STXBP6: variants seen among roughly 807,000 people sequenced by gnomAD.
STXBP6 encodes syntaxin-binding protein 6.
STXBP6 carries 21 observed loss-of-function variants against 26.9 expected under a neutral mutation model. The observed-to-expected ratio is 0.78, with a 90% CI of 0.55 to 1.12. The LOEUF (loss-of-function observed/expected upper bound fraction) is 1.12, where lower values mean the gene tolerates loss of function less well. STXBP6 is among the 50% of genes most tolerant of loss of function. The probability of loss-of-function intolerance (pLI) is 0.00; values close to 1 mark genes in which losing one functional copy is unlikely to be tolerated. For synonymous variants in STXBP6, 97 were observed against 92.6 expected (o/e 1.05, Z -0.27); for missense variants, 232 against 257.9 (o/e 0.90, Z 0.69).
chr14:24,893,058 G>A (rs1452151103), intron 2 of STXBP6, among the ~76,000 whole-genome samples: 2 of 152,132 alleles, frequency 1.3e-5, no homozygotes, highest in Admixed American at 1.3e-4. Flanking sequence ...CTGCAGGTAT[G>A]GTGCACACAA....
intron 2 of STXBP6, among the ~76,000 whole-genome samples, chr14:24,924,938 C>A (rs1200341733): frequency 6.6e-6 from 1 of 152,170 alleles, no homozygotes; most frequent in African/African-American, 2.4e-5. Flanking sequence ...AATGTCATAG[C>A]TGAAAATCAG....
At chr14:24,910,487 T>C (rs746504357) in intron 2 of STXBP6, among the ~76,000 whole-genome samples, 19 of 152,160 alleles carry the variant, frequency 1.2e-4, no homozygotes, top group African/African-American at 4.3e-4. Context: ...ACACACCACT[T>C]ACATGAATAA....
chr14:24,991,138 A>G (rs948536266), intron 1 of STXBP6, among the ~76,000 whole-genome samples: 2 of 148,312 alleles, frequency 1.3e-5, no homozygotes, highest in African/African-American at 5.1e-5. Flanking sequence ...TGAGAGAAGG[A>G]GGAGGAAGAG....
At chr14:24,924,586 G>T (rs1057413238) in intron 2 of STXBP6, among the ~76,000 whole-genome samples, 2 of 152,130 alleles carry the variant, frequency 1.3e-5, no homozygotes, top group Non-Finnish European at 1.5e-5. Flanking sequence ...TTAAGAATAA[G>T]AATCGTTTGG....
chr14:24,994,531 A>C (rs945254528), intron 1 of STXBP6, among the ~76,000 whole-genome samples: 25 of 152,244 alleles, frequency 1.6e-4, no homozygotes, highest in African/African-American at 5.5e-4. Flanking sequence ...CCTCCAGTTA[A>C]CTACTACTTG....
intron 4 of STXBP6, among the ~76,000 whole-genome samples, chr14:24,820,658 T>C (rs922970219): frequency 6.6e-6 from 1 of 152,202 alleles, no homozygotes; most frequent in Non-Finnish European, 1.5e-5. Context: ...TACTCATAAC[T>C]ATGATAATAA....
At chr14:24,815,523 T>C (rs2067947252) in intron 5 of STXBP6, 1 of 150,862 alleles carries the variant, frequency 6.6e-6, no homozygotes, top group African/African-American at 2.4e-5. Flanking sequence ...AGACCTGTGC[T>C]CCGAAGACCC....
At chr14:24,875,991 TAA>T (rs1267495515) in intron 2 of STXBP6, among the ~76,000 whole-genome samples, 1 of 152,008 alleles carries the variant, frequency 6.6e-6, no homozygotes, top group Non-Finnish European at 1.5e-5. Flanking sequence ...CACAAGTGTA[TAA>T]CACCAAACAG....
intron 5 of STXBP6, among the ~76,000 whole-genome samples, chr14:24,813,079 G>A (rs187708918): frequency 1.3e-5 from 2 of 152,208 alleles, no homozygotes; most frequent in East Asian, 3.9e-4. Flanking sequence ...AATAGCTGGG[G>A]TTCCCAGCTA....
intron 4 of STXBP6, among the ~76,000 whole-genome samples, chr14:24,836,606 C>CA (rs71449215): frequency 0.19 from 8,502 of 44,376 alleles, 966 homozygotes; most frequent in Non-Finnish European, 0.23. Flanking sequence ...GACTCCCTCT[C>CA]AAAAAAAAAA....
chr14:25,026,724 C>T (rs2075356144), intron 1 of STXBP6, among the ~76,000 whole-genome samples: 1 of 152,102 alleles, frequency 6.6e-6, no homozygotes, highest in Non-Finnish European at 1.5e-5. Flanking sequence ...GCAGGACTGA[C>T]CCATATTTAG....
rs539718973 is a variant in STXBP6 at position 24,930,650 on chromosome 14, A to G, written c.154+44015T>C. Among the ~76,000 whole-genome samples the G allele has an allele frequency of 2.6e-5, 4 of 152,330 alleles. No homozygotes were observed. The South Asian group carries it at 8.3e-4, about 32-fold the overall frequency. ...GTTTACCAAAATTACAACTCTATCA[A>G]AGAATGTGAACAAGGGCTAAAAAGT... is the stretch of plus-strand genomic sequence containing the variant. On this transcript the variant is annotated intron_variant, in intron 2 of 5. Transcript: ENST00000323944.
intron 2 of STXBP6, among the ~76,000 whole-genome samples, chr14:24,898,655 C>T (rs1229991265): frequency 1.3e-5 from 2 of 151,746 alleles, no homozygotes; most frequent in African/African-American, 2.4e-5. Context: ...CCAGACTGGG[C>T]AATAGAGGGA....
intron 2 of STXBP6, among the ~76,000 whole-genome samples, chr14:24,962,374 G>C (rs1388020730): frequency 6.6e-6 from 1 of 151,344 alleles, no homozygotes; most frequent in Non-Finnish European, 1.5e-5. Context: ...CTGTCACCCA[G>C]CCTGGAGTGC....
chr14:24,908,110 A>G (rs1242826282), intron 2 of STXBP6, among the ~76,000 whole-genome samples: 1 of 152,188 alleles, frequency 6.6e-6, no homozygotes, highest in Non-Finnish European at 1.5e-5. Context: ...TCTGTCTCCT[A>G]GTCTTTGCTA....
chr14:24,969,288 T>C (rs990070622), intron 2 of STXBP6, among the ~76,000 whole-genome samples: 3 of 152,178 alleles, frequency 2.0e-5, no homozygotes, highest in African/African-American at 4.8e-5. Flanking sequence ...TGGGGATGAG[T>C]AGCAGCCAAG....
At chr14:25,031,372 C>T (rs2075451121) in intron 1 of STXBP6, among the ~76,000 whole-genome samples, 1 of 152,108 alleles carries the variant, frequency 6.6e-6, no homozygotes, top group Non-Finnish European at 1.5e-5. Flanking sequence ...AATTGTACTG[C>T]CTCAGTTTTC....
chr14:24,997,889 G>A (rs2074647415), intron 1 of STXBP6, among the ~76,000 whole-genome samples: 1 of 151,986 alleles, frequency 6.6e-6, no homozygotes, highest in South Asian at 2.1e-4. Context: ...TAAAAAGAGA[G>A]AACATATCCT....
At chr14:24,854,988 T>G (rs1440744767) in intron 4 of STXBP6, among the ~76,000 whole-genome samples, 1 of 152,088 alleles carries the variant, frequency 6.6e-6, no homozygotes, top group African/African-American at 2.4e-5. Context: ...AGCAACTTCC[T>G]ACTTAAAAGG....
Sources: gnomAD v4.1 joint callset for allele counts (sites outside exome capture counted in the v4.1 genomes callset) on GRCh38, gnomAD v4.1.1 for gene constraint, MANE v1.5 for transcripts, NCBI Gene and HGNC (gene_info 2026-07-23, HGNC 2026-07-21) for gene names.